The following RRAGD variants were observed in gnomAD, a reference collection of about 807,000 sequenced individuals.
RRAGD encodes ras-related GTP-binding protein D.
A neutral mutation model predicts 35.5 loss-of-function variants in RRAGD; 12 were observed. The observed-to-expected ratio is 0.34, with a 90% CI of 0.22 to 0.55. RRAGD has a LOEUF of 0.55. Ranked by LOEUF, RRAGD falls within the 20% of genes least tolerant of loss-of-function variation. The pLI is 0.91. For synonymous variants in RRAGD, 155 were observed against 178.9 expected (o/e 0.87, Z 1.07); for missense variants, 324 against 490.1 (o/e 0.66, Z 3.20).
intron 1 of RRAGD, among the ~76,000 whole-genome samples, chr6:89,393,172 G>A (rs1769268924): frequency 1.3e-5 from 2 of 152,136 alleles, no homozygotes; most frequent in Non-Finnish European, 2.9e-5. Flanking sequence ...AAACAAATAG[G>A]TGCACAATGA....
At position 89,411,899 on chromosome 6, in the gene RRAGD, C is replaced by A. The variant is rs754497041; in HGVS notation, c.95G>T (p.Gly32Val). ...GGCGTCGGAGGAGTCGGGCCCGTCT[C>A]CGTAGTCCGCTAGCCCCACCAGCTC... ...EDELVGLADY[G>V]DGPDSSDADP... Residue 32 changes from glycine (G) to valine (V), a missense_variant, in exon 1 of 7, where the codon GGA (glycine) becomes GTA (valine). Physicochemically the swap from Gly to Val is moderately radical, Grantham distance 109. Coordinates refer to ENST00000369415, the MANE Select transcript of RRAGD (RefSeq NM_021244.5). This position sits in a 1 kb window ranked among gnomAD's most constrained non-coding sequence, Gnocchi z 5.6. 22 of 1,546,238 alleles carry A rather than the reference C, an allele frequency of 1.4e-5. No homozygotes were observed. Among genetic ancestry groups the A allele is most frequent in the Non-Finnish European group, 1.8e-5 (21 of 1,148,214 alleles).
In RRAGD at chr6:89,387,302, T is replaced by A; in HGVS notation, c.437A>T (p.Asp146Val). ...RGTGALIFVI[D>V]SQDDYMEALA... ...TGAGACTCTGAGCTTTACCTGTGAGTCAATGACAAATATCAGTGCTCCTGT... is the reference window on the plus strand; with the variant it reads ...TGAGACTCTGAGCTTTACCTGTGAGACAATGACAAATATCAGTGCTCCTGT... Residue 146 changes from aspartate to valine, a missense_variant, in exon 2 of 7, where the codon GAC becomes GTC. Physicochemically the swap from Asp to Val is radical, Grantham distance 152 (BLOSUM62 -3). Coordinates refer to ENST00000369415, the MANE Select transcript of RRAGD (RefSeq NM_021244.5). 1 of 1,613,176 alleles carries A rather than the reference T, an allele frequency of 6.2e-7. No homozygotes were observed. Among genetic ancestry groups the A allele is most frequent in the Non-Finnish European group, 8.5e-7 (1 of 1,179,224 alleles).
intron 5 of RRAGD, among the ~76,000 whole-genome samples, chr6:89,373,573 G>C (rs939482865): frequency 1.3e-5 from 2 of 148,380 alleles, no homozygotes; most frequent in South Asian, 4.2e-4. Flanking sequence ...AGCCGAGATT[G>C]TGCCACTGTA....
At chr6:89,368,288 GC>G in intron 6 of RRAGD, 81 bp from the exon 7 acceptor site, 1 of 1,290,300 alleles carries the variant, frequency 7.8e-7, no homozygotes, top group Non-Finnish European at 1.1e-6. Context: ...GCCAGGACAA[GC>G]CAGTAGGGGG....
At chr6:89,403,898 T>G (rs1769528958) in intron 1 of RRAGD, among the ~76,000 whole-genome samples, 1 of 152,144 alleles carries the variant, frequency 6.6e-6, no homozygotes, top group African/African-American at 2.4e-5. Flanking sequence ...GCTCAAGCAA[T>G]CCTCCCACCT....
intron 1 of RRAGD, among the ~76,000 whole-genome samples, chr6:89,402,579 C>A (rs532094489): frequency 6.6e-6 from 1 of 152,234 alleles, no homozygotes; most frequent in East Asian, 1.9e-4. Flanking sequence ...GACCTGGCAG[C>A]CCAGCCACCA....
chr6:89,410,903 A>G (rs994298901), intron 1 of RRAGD, among the ~76,000 whole-genome samples: 2 of 152,214 alleles, frequency 1.3e-5, no homozygotes, highest in Admixed American at 6.5e-5. Flanking sequence ...GGATGCATAC[A>G]GTTTCACTGA....
chr6:89,381,157 G>A (rs1463507265), intron 2 of RRAGD, among the ~76,000 whole-genome samples: 1 of 152,154 alleles, frequency 6.6e-6, no homozygotes, highest in African/African-American at 2.4e-5. Flanking sequence ...CCCTGTGCCT[G>A]TTTCTTAAAA....
intron 4 of RRAGD, among the ~76,000 whole-genome samples, chr6:89,378,278 G>A (rs533346776): frequency 4.6e-5 from 7 of 151,238 alleles, no homozygotes; most frequent in African/African-American, 1.7e-4. Flanking sequence ...CTCCAGCCTG[G>A]GCAACAAGAG....
rs1247107379 is a variant in RRAGD at position 89,412,015 on chromosome 6, C to A, written c.-22G>T. The A allele has an allele frequency of 6.6e-7, 1 of 1,521,518 alleles. No homozygotes were observed. The highest frequency in any genetic ancestry group is 1.2e-5 in the South Asian group (1 of 82,440). The allele number at this position is 1,521,518 out of a possible 1,614,324, so 94.3% of individuals were successfully genotyped here. A position where few individuals can be genotyped will look rare whatever the true frequency, so the allele number is the denominator to read the frequency against. ...TCATCGTGCCCACCGGCCGGCCGGC[C>A]CGGGGACGGCGGGGGTCCCGGGGTG... is the stretch of plus-strand genomic sequence containing the variant. On this transcript the variant is annotated 5_prime_UTR_variant, in exon 1 of 7. Transcript: ENST00000369415. The surrounding 1 kb of genome is among the most constrained non-coding windows in gnomAD (Gnocchi z 4.2).
At chr6:89,381,800 T>C (rs966983771) in intron 2 of RRAGD, among the ~76,000 whole-genome samples, 1 of 152,186 alleles carries the variant, frequency 6.6e-6, no homozygotes, top group African/African-American at 2.4e-5. Context: ...CTGATGGACA[T>C]TATTCCCATG....
chr6:89,370,794 C>T (rs932769556), intron 6 of RRAGD, among the ~76,000 whole-genome samples: 1 of 152,102 alleles, frequency 6.6e-6, no homozygotes, highest in Non-Finnish European at 1.5e-5. Context: ...TAGAATTCAT[C>T]ATACAATCTA....
Position 89,386,273 on chromosome 6 carries a change from C to T in RRAGD, c.444+1022G>A, listed in dbSNP as rs886329998. The stretch of plus-strand genomic sequence containing the variant: ...GCACCAATGCCCCTATCCTGCTGCA[C>T]ATCCCCTTCCTAAAATGTATCTGCC... On this transcript the variant is annotated intron_variant, in intron 2 of 6. Transcript: ENST00000369415. Among the ~76,000 whole-genome samples the T allele has an allele frequency of 2.0e-5, 3 of 152,348 alleles. No individual in the cohort carries two copies. The East Asian group carries it at 5.8e-4, about 29-fold the overall frequency.
chr6:89,411,829 G>C lies in RRAGD; in HGVS notation c.148+17C>G. The C allele has an allele frequency of 6.5e-7, 1 of 1,544,334 alleles. No homozygotes were observed. The highest frequency in any genetic ancestry group is 1.2e-5 in the South Asian group (1 of 85,076). ...GGAAAGGGGCGCGAGCCGAGGACGC[G>C]GGGGCCGGGCGCTCACCTCCCTCCT... On this transcript the variant is annotated intron_variant, in intron 1 of 6. Transcript: ENST00000369415. This position sits in a 1 kb window ranked among gnomAD's most constrained non-coding sequence, Gnocchi z 5.6.
intron 1 of RRAGD, among the ~76,000 whole-genome samples, chr6:89,402,486 A>G (rs1562465548): frequency 6.6e-6 from 1 of 152,210 alleles, no homozygotes; most frequent in Non-Finnish European, 1.5e-5. Context: ...ACTAAGGCAC[A>G]GGCTGTGGAA....
chr6:89,385,033 C>A (rs2127889805), intron 2 of RRAGD, among the ~76,000 whole-genome samples: 1 of 151,904 alleles, frequency 6.6e-6, no homozygotes, highest in East Asian at 1.9e-4. Flanking sequence ...CCACTGCACT[C>A]CAGCCTGGGC....
At chr6:89,399,253 T>C (rs568096258) in intron 1 of RRAGD, among the ~76,000 whole-genome samples, 1 of 152,302 alleles carries the variant, frequency 6.6e-6, no homozygotes, top group South Asian at 2.1e-4. Context: ...TATGTATGCA[T>C]GTTTACATAC....
chr6:89,399,537 C>T (rs1194313655), intron 1 of RRAGD, among the ~76,000 whole-genome samples: 1 of 152,112 alleles, frequency 6.6e-6, no homozygotes, highest in Non-Finnish European at 1.5e-5. Context: ...TTTGAGAGGC[C>T]AAGGAGGGCA....
At chr6:89,405,941 A>G (rs901553754) in intron 1 of RRAGD, among the ~76,000 whole-genome samples, 1 of 152,216 alleles carries the variant, frequency 6.6e-6, no homozygotes, top group East Asian at 1.9e-4. Flanking sequence ...TACTACTAAC[A>G]AAAGCTATGC....
Sources: gnomAD v4.1 joint callset for allele counts (sites outside exome capture counted in the v4.1 genomes callset) on GRCh38, gnomAD v4.1.1 for gene constraint, Gnocchi (gnomAD v3.1) non-coding constraint, MANE v1.5 for transcripts, NCBI Gene and HGNC (gene_info 2026-07-23, HGNC 2026-07-21) for gene names.